The following AHR variants were observed in gnomAD, a reference collection of about 807,000 sequenced individuals.
The protein encoded by AHR is aryl hydrocarbon receptor, also known as AH-receptor.
Under a neutral mutation model 86.8 loss-of-function variants are expected in AHR, and 40 were observed. That is an observed-to-expected ratio of 0.46 (90% CI 0.36 to 0.60). AHR has a LOEUF of 0.60. Ranked by LOEUF, AHR falls within the 20% of genes least tolerant of loss-of-function variation. The pLI is 0.00. For synonymous variants in AHR, 398 were observed against 354.9 expected (o/e 1.12, Z -1.37); for missense variants, 1,001 against 1,011.6 (o/e 0.99, Z 0.14).
chr7:17,331,145 C>A (rs766512666), intron 6 of AHR, among the ~76,000 whole-genome samples: 6 of 151,784 alleles, frequency 4.0e-5, no homozygotes. Flanking sequence ...GATTAGTTGG[C>A]CACCTGTGAC....
chr7:17,321,582 A>G (rs1782172869), intron 2 of AHR, among the ~76,000 whole-genome samples: 1 of 103,980 alleles, frequency 9.6e-6, no homozygotes, highest in Non-Finnish European at 2.2e-5. Context: ...AAATACATAC[A>G]TACCACACAC....
Position 17,298,892 on chromosome 7 carries a change from C to T in AHR, c.-373C>T, listed in dbSNP as rs1015959607. On this transcript the variant is annotated 5_prime_UTR_variant, in exon 1 of 11. Transcript: ENST00000242057. The stretch of plus-strand genomic sequence containing the variant: ...CGGGGCGCGGCGCCACCGTGAGCGA[C>T]CCAGGCCAGGATTCTAAATAGACGG... 2.5e-6 allele frequency: 1 copy of T among 404,788 alleles called. No individual in the cohort carries two copies. The highest frequency in any genetic ancestry group is 4.3e-6 in the Non-Finnish European group (1 of 230,286). The allele number at this position is 404,788 out of a possible 1,614,324, so 25.1% of individuals were successfully genotyped here. A position where few individuals can be genotyped will look rare whatever the true frequency, so the allele number is the denominator to read the frequency against.
At chr7:17,327,882 TATATC>T (rs1782245911) in intron 4 of AHR, 34 bp downstream of exon 4, 1 of 952,846 alleles carries the variant, frequency 1.0e-6, no homozygotes, top group African/African-American at 1.7e-5. Flanking sequence ...TTTATATTAT[TATATC>T]ATTTACTTTT....
At chr7:17,308,537 T>A (rs999407784) in intron 1 of AHR, among the ~76,000 whole-genome samples, 5 of 152,132 alleles carry the variant, frequency 3.3e-5, no homozygotes, top group Non-Finnish European at 4.4e-5. Context: ...AAGTTTGAAA[T>A]TCAGTTGGTT....
chr7:17,334,839 T>C (rs1782338143), intron 7 of AHR, 48 bp from the exon 8 acceptor site: 2 of 1,312,786 alleles, frequency 1.5e-6, no homozygotes, highest in African/African-American at 1.5e-5. Context: ...ATTTCATTTA[T>C]GTTAAATCTT....
chr7:17,324,801 G>GAA (rs71816868), intron 3 of AHR, among the ~76,000 whole-genome samples: 1,605 of 138,764 alleles, frequency 0.012, 32 homozygotes, highest in Middle Eastern at 0.039. Flanking sequence ...GACTCCATCT[G>GAA]AAAAAAAAAA....
chr7:17,310,253 T>A (rs1314203924), intron 2 of AHR, 130 bp downstream of exon 2: 2 of 857,832 alleles, frequency 2.3e-6, no homozygotes, highest in Admixed American at 2.9e-5. Flanking sequence ...TAGTAAAATT[T>A]CAGTGGCAAA....
chr7:17,334,833 C>A, intron 7 of AHR, 54 bp from the exon 8 acceptor site: 2 of 1,268,730 alleles, frequency 1.6e-6, no homozygotes, highest in Non-Finnish European at 2.2e-6. Context: ...TTGGTTATTT[C>A]ATTTATGTTA....
chr7:17,338,507 C>T (rs534875335), intron 9 of AHR, among the ~76,000 whole-genome samples: 4 of 152,140 alleles, frequency 2.6e-5, no homozygotes, highest in Non-Finnish European at 1.5e-5. Flanking sequence ...AGGCATGTGC[C>T]ACCATGCCCA....
intron 2 of AHR, among the ~76,000 whole-genome samples, chr7:17,315,880 C>T (rs1041020967): frequency 1.3e-5 from 2 of 151,836 alleles, no homozygotes; most frequent in South Asian, 2.1e-4. Context: ...AACTCAAATT[C>T]GTTTATTTGC....
chr7:17,300,284 T>G (rs1171571241), intron 1 of AHR, among the ~76,000 whole-genome samples: 1 of 152,222 alleles, frequency 6.6e-6, no homozygotes, highest in Non-Finnish European at 1.5e-5. Flanking sequence ...ATTCCAATTT[T>G]TTTATTTCTA....
chr7:17,306,265 A>G (rs1038514324), intron 1 of AHR, among the ~76,000 whole-genome samples: 1 of 152,186 alleles, frequency 6.6e-6, no homozygotes, highest in East Asian at 1.9e-4. Flanking sequence ...AGATTACTCT[A>G]TTTTTAATTG....
chr7:17,299,483 G>C (rs1781931915), intron 1 of AHR, 154 bp downstream of exon 1: 1 of 804,148 alleles, frequency 1.2e-6, no homozygotes. Flanking sequence ...GGCCGGCTGG[G>C]AGACAGAGGA....
chr7:17,304,782 G>A (rs933201316), intron 1 of AHR, among the ~76,000 whole-genome samples: 2 of 152,054 alleles, frequency 1.3e-5, no homozygotes, highest in African/African-American at 4.8e-5. Context: ...TCCCAGTACA[G>A]TACCATGCAC....
intron 2 of AHR, among the ~76,000 whole-genome samples, chr7:17,321,871 TC>T (rs1327525389): frequency 6.6e-6 from 1 of 152,036 alleles, no homozygotes; most frequent in Non-Finnish European, 1.5e-5. Context: ...AAATGTATGT[TC>T]TTGGATAGAA....
chr7:17,328,150 CT>C (rs1326598797), intron 4 of AHR, among the ~76,000 whole-genome samples: 1 of 151,794 alleles, frequency 6.6e-6, no homozygotes, highest in Non-Finnish European at 1.5e-5. Context: ...TATCAAATAA[CT>C]TATGGATAGC....
intron 1 of AHR, among the ~76,000 whole-genome samples, chr7:17,306,425 T>C (rs571731399): frequency 1.3e-5 from 2 of 152,304 alleles, no homozygotes; most frequent in East Asian, 3.9e-4. Context: ...ATCCAGTACA[T>C]CTGAATTGTT....
At chr7:17,317,116 G>GTTTTTTTTTTTTTTTTTTTTTTTTTT (rs66779121) in intron 2 of AHR, among the ~76,000 whole-genome samples, 5 of 123,684 alleles carry the variant, frequency 4.0e-5, no homozygotes, top group Non-Finnish European at 8.1e-5. Context: ...GGAGAATTTT[G>GTTTTTTTTTTTTTTTTTTTTTTTTTT]TTTTTTTTTT....
rs962028086 is a variant in AHR, at chr7:17,344,954, G to A, written c.*1890G>A. ...CTTCTTTTCTTTAGATATGAGAGCTGAAGAGCTTAGACACATTTTGCATGT... is the reference window on the plus strand; with the variant it reads ...CTTCTTTTCTTTAGATATGAGAGCTAAAGAGCTTAGACACATTTTGCATGT... On this transcript the variant is annotated 3_prime_UTR_variant, in exon 11 of 11. Coordinates refer to ENST00000242057, the MANE Select transcript of AHR (RefSeq NM_001621.5). 3.3e-5 allele frequency: 5 copies of A among 151,536 alleles called. No individual in the cohort carries two copies. The highest frequency in any genetic ancestry group is 1.2e-4 in the African/African-American group (5 of 41,216). The allele number at this position is 151,536 out of a possible 1,614,324, so 9.4% of individuals were successfully genotyped here.
Sources: allele counts gnomAD v4.1 joint callset (sites outside exome capture counted in the v4.1 genomes callset), GRCh38; gene constraint gnomAD v4.1.1; transcripts MANE v1.5; gene names NCBI Gene and HGNC (gene_info 2026-07-23, HGNC 2026-07-21).